Variants in ADK observed in about 807,000 individuals in gnomAD.
ADK encodes the protein adenosine kinase, also known as N6,N6-dimethyladenosine kinase.
ADK carries 24 observed loss-of-function variants against 44.7 expected under a neutral mutation model. That is an observed-to-expected ratio of 0.54 (90% CI 0.39 to 0.76). ADK has a LOEUF of 0.76. Among genes scored for constraint, ADK ranks in the 30% least tolerant of loss-of-function variants. The pLI, the probability that ADK is intolerant of heterozygous loss-of-function variation, is 0.00. For missense variants in ADK, 321 were observed against 425.1 expected, an observed-to-expected ratio of 0.76 and a Z score of 2.15; for synonymous variants, 128 against 142.6, an observed-to-expected ratio of 0.90 and a Z score of 0.73.
chr10:74,589,448 G>A (rs1564807682), intron 8 of ADK, 131 bp downstream of exon 8: 4 of 938,294 alleles, frequency 4.3e-6, no homozygotes, highest in Non-Finnish European at 5.1e-6. Context: ...ATGGAAACTT[G>A]GCAGTCGTCA....
chr10:74,397,168 T>C (rs1843547622), intron 5 of ADK, among the ~76,000 whole-genome samples: 2 of 152,068 alleles, frequency 1.3e-5, no homozygotes, highest in African/African-American at 2.4e-5. Context: ...GTTTGTAATA[T>C]AGTTATTTTG....
At chr10:74,434,991 G>T (rs1845133764) in intron 6 of ADK, among the ~76,000 whole-genome samples, 1 of 152,138 alleles carries the variant, frequency 6.6e-6, no homozygotes, top group African/African-American at 2.4e-5. Context: ...GTCTATGTTG[G>T]ACTAGAGGAT....
chr10:74,262,766 T>C (rs930432723), intron 3 of ADK, among the ~76,000 whole-genome samples: 1 of 152,226 alleles, frequency 6.6e-6, no homozygotes, highest in Non-Finnish European at 1.5e-5. Context: ...AGGAGTGTAA[T>C]TGATAAAACA....
intron 4 of ADK, among the ~76,000 whole-genome samples, chr10:74,354,856 G>T (rs1399421109): frequency 6.6e-6 from 1 of 152,156 alleles, no homozygotes; most frequent in Non-Finnish European, 1.5e-5. Context: ...TTAAATTTGA[G>T]TTGCTGAATA....
At chr10:74,480,632 CT>C (rs2133349198) in intron 6 of ADK, among the ~76,000 whole-genome samples, 1 of 152,184 alleles carries the variant, frequency 6.6e-6, no homozygotes, top group African/African-American at 2.4e-5. Flanking sequence ...TTAATTTTAT[CT>C]TTTTGCCTGT....
chr10:74,194,217 CAGG>C (rs1158464442), intron 1 of ADK, among the ~76,000 whole-genome samples: 1 of 152,064 alleles, frequency 6.6e-6, no homozygotes, highest in East Asian at 1.9e-4. Flanking sequence ...GCAAAGGAAG[CAGG>C]AGAAGAACTT....
rs946356854 is a variant in ADK at position 74,274,368 on chromosome 10, C to T, written c.195-40299C>T. ...CCTGAGGTCAGGAGTTTGAGGCCAG[C>T]CTGGCCAACATGGTAAAACCCTGTC... On this transcript the variant is annotated intron_variant, in intron 3 of 10. Coordinates refer to ENST00000539909, the MANE Select transcript of ADK (RefSeq NM_006721.4). 2.0e-5 allele frequency among the ~76,000 whole-genome samples: 3 copies of T among 152,018 alleles called. No homozygotes were observed. The East Asian group carries it at 5.8e-4, about 29-fold the overall frequency.
At chr10:74,216,925 C>G (rs188179788) in intron 2 of ADK, among the ~76,000 whole-genome samples, 30 of 152,280 alleles carry the variant, frequency 2.0e-4, no homozygotes, top group African/African-American at 7.0e-4. Context: ...CGGTCTACAG[C>G]TCCCAGCGTG....
intron 2 of ADK, among the ~76,000 whole-genome samples, chr10:74,223,742 G>C (rs1470627446): frequency 2.6e-5 from 4 of 152,056 alleles, no homozygotes; most frequent in Non-Finnish European, 4.4e-5. Flanking sequence ...GAGACTTAAA[G>C]ATGTAGAGTA....
chr10:74,241,784 C>T (rs1421097706), intron 3 of ADK, among the ~76,000 whole-genome samples: 4 of 152,218 alleles, frequency 2.6e-5, no homozygotes, highest in Non-Finnish European at 5.9e-5. Context: ...TTCACAGCAG[C>T]CTGCAGCTCC....
At chr10:74,289,925 T>C (rs1307069464) in intron 3 of ADK, among the ~76,000 whole-genome samples, 1 of 152,108 alleles carries the variant, frequency 6.6e-6, no homozygotes, top group Non-Finnish European at 1.5e-5. Context: ...CCATACCTTT[T>C]CTTAGCCATA....
chr10:74,317,021 A>G (rs10824146), intron 4 of ADK, among the ~76,000 whole-genome samples: 24,400 of 152,150 alleles, frequency 0.16, 2,290 homozygotes, highest in African/African-American at 0.26. Flanking sequence ...AGATCTTACT[A>G]GTAATCATAC....
At chr10:74,556,238 A>G (rs1850242212) in intron 7 of ADK, among the ~76,000 whole-genome samples, 1 of 152,200 alleles carries the variant, frequency 6.6e-6, no homozygotes, top group Non-Finnish European at 1.5e-5. Context: ...TGTAGTTACC[A>G]TAGCAATGAA....
intron 6 of ADK, among the ~76,000 whole-genome samples, chr10:74,521,472 C>G (rs1258178428): frequency 6.6e-6 from 1 of 152,120 alleles, no homozygotes; most frequent in Non-Finnish European, 1.5e-5. Flanking sequence ...TATTTTAGCA[C>G]AGATCAAATT....
chr10:74,191,226 G>A (rs142269795), intron 1 of ADK, among the ~76,000 whole-genome samples: 4,481 of 151,796 alleles, frequency 0.03, 93 homozygotes, highest in Non-Finnish European at 0.045. Context: ...TGATCTGCCC[G>A]CCTTGGCCTT....
intron 3 of ADK, among the ~76,000 whole-genome samples, chr10:74,226,696 A>G (rs1179635521): frequency 1.3e-5 from 2 of 151,740 alleles, no homozygotes; most frequent in East Asian, 1.9e-4. Context: ...TGAGTCATAT[A>G]TATGTCCTAT....
intron 1 of ADK, among the ~76,000 whole-genome samples, chr10:74,172,454 C>G (rs768107061): frequency 6.6e-6 from 1 of 151,946 alleles, no homozygotes; most frequent in African/African-American, 2.4e-5. Flanking sequence ...TTTGGGAGGC[C>G]GAGGTGGGCG....
chr10:74,332,531 T>C (rs1841255419), intron 4 of ADK, among the ~76,000 whole-genome samples: 1 of 152,204 alleles, frequency 6.6e-6, no homozygotes, highest in South Asian at 2.1e-4. Flanking sequence ...GCATGGTTTG[T>C]GTATTGGCAG....
intron 1 of ADK, among the ~76,000 whole-genome samples, chr10:74,200,156 G>GTTTTTTTTTTTTTTTTTTTTTTTTTTT (rs760622376): frequency 2.0e-5 from 2 of 99,274 alleles, no homozygotes; most frequent in Non-Finnish European, 4.0e-5. Context: ...GACACCATCT[G>GTTTTTTTTTTTTTTTTTTTTTTTTTTT]TTTTTTTTTT....
Sources: allele counts gnomAD v4.1 joint callset (sites outside exome capture counted in the v4.1 genomes callset), GRCh38; gene constraint gnomAD v4.1.1; transcripts MANE v1.5; gene names NCBI Gene and HGNC (gene_info 2026-07-23, HGNC 2026-07-21).